Variants in ERI1 observed in about 807,000 individuals in gnomAD.
The protein encoded by ERI1 is exoribonuclease 1.
Under a neutral mutation model 39.7 loss-of-function variants are expected in ERI1, and 39 were observed. The ratio of observed to expected loss-of-function variants is 0.98; its 90% CI spans 0.76 to 1.28. The LOEUF (loss-of-function observed/expected upper bound fraction) is 1.28. Among genes scored for constraint, ERI1 ranks in the 50% most tolerant of loss-of-function variants. ERI1 has a pLI of 0.00. For synonymous variants in ERI1, 204 were observed against 149.6 expected (o/e 1.36, Z -2.65); for missense variants, 581 against 416.9 (o/e 1.39, Z -3.43).
chr8:9,058,863 A>C (rs921776489), intron 3 of ERI1, among the ~76,000 whole-genome samples: 3 of 141,822 alleles, frequency 2.1e-5, no homozygotes, highest in South Asian at 2.2e-4. Context: ...ATAAATAAAT[A>C]AATAAATCTT....
At chr8:9,070,702 G>A (rs184490331) in intron 3 of ERI1, among the ~76,000 whole-genome samples, 1 of 152,338 alleles carries the variant, frequency 6.6e-6, no homozygotes, top group East Asian at 1.9e-4. Context: ...CCTTGCAAAT[G>A]CACACAGAAA....
intron 3 of ERI1, among the ~76,000 whole-genome samples, chr8:9,041,148 A>ATTCTGT (rs1798005928): frequency 6.6e-6 from 1 of 152,244 alleles, no homozygotes; most frequent in Admixed American, 6.5e-5. Flanking sequence ...ACTTTTGTTC[A>ATTCTGT]TTCTGTGTGT....
At chr8:9,064,466 G>A (rs1798805529) in intron 3 of ERI1, among the ~76,000 whole-genome samples, 1 of 151,708 alleles carries the variant, frequency 6.6e-6, no homozygotes, top group South Asian at 2.1e-4. Flanking sequence ...CCTAGTCCGT[G>A]ACTGGCACCG....
In ERI1 at chr8:9,089,322, C is replaced by G. The variant is rs193190349; in HGVS notation, n.300-27026C>G. Among the ~76,000 whole-genome samples the G allele has an allele frequency of 4.6e-5, 7 of 152,272 alleles. 1 individual carries two copies. The highest frequency in any genetic ancestry group is 3.3e-4 in the Admixed American group (5 of 15,300). On this transcript the variant is annotated intron_variant and non_coding_transcript_variant, in intron 3 of 3. Coordinates refer to the ERI1 transcript ENST00000518663. ...GTCTTGCTGTGTTGCCCAGGCTGGT[C>G]TTGAACTACTGGCTTCAAGTGGGCT... is the stretch of plus-strand genomic sequence containing the variant.
intron 2 of ERI1, among the ~76,000 whole-genome samples, chr8:9,008,609 C>T (rs980173787): frequency 2.0e-4 from 31 of 152,204 alleles, no homozygotes; most frequent in African/African-American, 6.7e-4. Context: ...CTACAATGAT[C>T]GTTTGCATTA....
chr8:9,034,512 G>A (rs750822684), downstream of ERI1, among the ~76,000 whole-genome samples: 2 of 151,930 alleles, frequency 1.3e-5, no homozygotes, highest in Non-Finnish European at 2.9e-5. Flanking sequence ...TCTCTCTTAG[G>A]GTGATTTGTA....
At chr8:9,029,521 G>A (rs1183521830) in intron 6 of ERI1, among the ~76,000 whole-genome samples, 1 of 152,048 alleles carries the variant, frequency 6.6e-6, no homozygotes, top group South Asian at 2.1e-4. Context: ...AGAAGAGATG[G>A]GGTGTCACCA....
chr8:9,084,181 G>A (rs914730658), intron 3 of ERI1, among the ~76,000 whole-genome samples: 22 of 152,122 alleles, frequency 1.4e-4, no homozygotes, highest in African/African-American at 5.3e-4. Flanking sequence ...AGGATCACCT[G>A]AGCCTAGGAG....
intron 3 of ERI1, among the ~76,000 whole-genome samples, chr8:9,089,344 G>C (rs1799633472): frequency 6.6e-6 from 1 of 152,126 alleles, no homozygotes; most frequent in Non-Finnish European, 1.5e-5. Context: ...GCTTCAAGTG[G>C]GCTTCCTGCC....
At chr8:9,060,719 A>T (rs2117396342) in intron 3 of ERI1, among the ~76,000 whole-genome samples, 1 of 152,332 alleles carries the variant, frequency 6.6e-6, no homozygotes, top group East Asian at 1.9e-4. Flanking sequence ...AGTAGGTGGG[A>T]GTGAACGATG....
At chr8:9,065,284 C>A (rs77288284) in intron 3 of ERI1, among the ~76,000 whole-genome samples, 5,821 of 152,204 alleles carry the variant, frequency 0.038, 357 homozygotes, top group African/African-American at 0.13. Flanking sequence ...TTGCTTCTTT[C>A]TACGAGGTTT....
chr8:9,045,287 G>T (rs999205046), intron 3 of ERI1, among the ~76,000 whole-genome samples: 1 of 151,198 alleles, frequency 6.6e-6, no homozygotes, highest in African/African-American at 2.4e-5. Context: ...CCCTAAGCTG[G>T]CTTCTCAGAT....
intron 3 of ERI1, among the ~76,000 whole-genome samples, chr8:9,098,856 G>T (rs531714885): frequency 6.6e-6 from 1 of 152,082 alleles, no homozygotes; most frequent in Non-Finnish European, 1.5e-5. Context: ...GTTTGTTTCA[G>T]ACAGGCTCTC....
chr8:9,007,379 G>C (rs1354048093), intron 1 of ERI1, among the ~76,000 whole-genome samples: 5 of 152,162 alleles, frequency 3.3e-5, no homozygotes, highest in Admixed American at 6.5e-5. Flanking sequence ...AAAATTATCA[G>C]AAGTTATTAC....
chr8:9,044,470 T>C (rs901699874), intron 3 of ERI1, among the ~76,000 whole-genome samples: 1 of 152,008 alleles, frequency 6.6e-6, no homozygotes, highest in Non-Finnish European at 1.5e-5. Flanking sequence ...CTGGCCCCCA[T>C]ACAGGTAGGT....
In ERI1 at chr8:9,031,879, T is replaced by C. The variant is rs547909567; in HGVS notation, c.*1845T>C. 2.6e-5 allele frequency: 4 copies of C among 152,418 alleles called. No individual in the cohort carries two copies. The East Asian group carries it at 7.7e-4, about 29-fold the overall frequency. The allele number at this position is 152,418 out of a possible 1,614,324, so 9.4% of individuals were successfully genotyped here. On this transcript the variant is annotated 3_prime_UTR_variant, in exon 7 of 7. Coordinates refer to ENST00000250263, the MANE Select transcript of ERI1 (RefSeq NM_153332.4). ...CTCAGGTGATCCTCTTGCCTCAGCC[T>C]CCTGAGTAGCTCAGATTACAGGCGC...
chr8:9,020,696 C>T (rs1166198067), intron 6 of ERI1, among the ~76,000 whole-genome samples: 1 of 152,132 alleles, frequency 6.6e-6, no homozygotes, highest in East Asian at 1.9e-4. Context: ...AAGTTTGAAA[C>T]TGTAGGGGCA....
chr8:9,050,802 C>G (rs892629670), intron 3 of ERI1, among the ~76,000 whole-genome samples: 1 of 152,184 alleles, frequency 6.6e-6, no homozygotes, highest in Non-Finnish European at 1.5e-5. Context: ...CGGGCCTCTT[C>G]CTTCTTTATG....
In ERI1 at chr8:9,030,847, A is replaced by C. The variant is rs1343128866; in HGVS notation, c.*813A>C. ...GACTGAAAATTAAGGGTCACCACCT[A>C]ATTTTACTTTGTATTCAGTATCGTA... On this transcript the variant is annotated 3_prime_UTR_variant, in exon 7 of 7. Coordinates refer to ENST00000250263, the MANE Select transcript of ERI1 (RefSeq NM_153332.4). The C allele has an allele frequency of 6.6e-6, 1 of 152,120 alleles. No homozygotes were observed. Among genetic ancestry groups the C allele is most frequent in the Non-Finnish European group, 1.5e-5 (1 of 67,984 alleles). 9.4% of individuals were successfully genotyped at this position (152,120 alleles called of 1,614,324 possible).
Sources: gnomAD v4.1 joint callset for allele counts (sites outside exome capture counted in the v4.1 genomes callset) on GRCh38, gnomAD v4.1.1 for gene constraint, MANE v1.5 for transcripts, NCBI Gene and HGNC (gene_info 2026-07-23, HGNC 2026-07-21) for gene names.